The following FAM227B variants were observed in gnomAD, a reference collection of about 807,000 sequenced individuals.
FAM227B encodes the protein family with sequence similarity 227 member B.
FAM227B carries 88 observed loss-of-function variants against 73.8 expected under a neutral mutation model. That is an observed-to-expected ratio of 1.19 (90% CI 1.00 to 1.42). The LOEUF is 1.42. Ranked by LOEUF, FAM227B falls within the 40% of genes most tolerant of loss-of-function variation. FAM227B has a pLI of 0.00. For synonymous variants in FAM227B, 210 were observed against 190.5 expected, an observed-to-expected ratio of 1.10 and a Z score of -0.84; for missense variants, 632 against 590.9, an observed-to-expected ratio of 1.07 and a Z score of -0.72.
At chr15:49,580,290 A>T (rs1216001429) in intron 5 of FAM227B, among the ~76,000 whole-genome samples, 1 of 152,208 alleles carries the variant, frequency 6.6e-6, no homozygotes. Context: ...GAAATACAGA[A>T]GAGCCACTTG....
chr15:49,574,084 A>G (rs571293135), intron 8 of FAM227B, among the ~76,000 whole-genome samples: 1 of 152,140 alleles, frequency 6.6e-6, no homozygotes, highest in Admixed American at 6.6e-5. Context: ...TTAAAAAAAA[A>G]CTGACTTTGT....
chr15:49,599,241 G>C (rs530070534), intron 3 of FAM227B, among the ~76,000 whole-genome samples: 59 of 151,926 alleles, frequency 3.9e-4, no homozygotes, highest in African/African-American at 1.4e-3. Context: ...AATTTCTCAT[G>C]GTAGCCTACT....
intron 11 of FAM227B, among the ~76,000 whole-genome samples, chr15:49,394,926 G>A (rs2047468964): frequency 1.3e-5 from 2 of 152,014 alleles, no homozygotes; most frequent in East Asian, 1.9e-4. Context: ...ACACACACAC[G>A]CATGCCAAAC....
intron 3 of FAM227B, among the ~76,000 whole-genome samples, chr15:49,599,371 TA>T (rs1453452397): frequency 6.6e-6 from 1 of 152,042 alleles, no homozygotes; most frequent in Non-Finnish European, 1.5e-5. Flanking sequence ...ACAGTTTTGT[TA>T]ATCTTTTCAG....
At chr15:49,560,360 CA>C (rs896197952) in intron 9 of FAM227B, among the ~76,000 whole-genome samples, 11 of 151,836 alleles carry the variant, frequency 7.2e-5, no homozygotes, top group East Asian at 3.9e-4. Flanking sequence ...AACAAAGTAT[CA>C]AAAAAATGGT....
intron 13 of FAM227B, among the ~76,000 whole-genome samples, chr15:49,335,945 T>C (rs1246662772): frequency 3.9e-5 from 6 of 152,186 alleles, no homozygotes; most frequent in Non-Finnish European, 7.3e-5. Flanking sequence ...CTCAAACTCC[T>C]GGGCTCAAAG....
At chr15:49,508,966 A>G (rs1275214398) in intron 10 of FAM227B, among the ~76,000 whole-genome samples, 3 of 152,226 alleles carry the variant, frequency 2.0e-5, no homozygotes, top group Non-Finnish European at 2.9e-5. Context: ...AGGGGGCCAC[A>G]TGGGCAAGCC....
At chr15:49,420,207 A>G (rs1177152154) in intron 11 of FAM227B, among the ~76,000 whole-genome samples, 1 of 152,194 alleles carries the variant, frequency 6.6e-6, no homozygotes, top group Non-Finnish European at 1.5e-5. Flanking sequence ...GTAGTATAAA[A>G]TGACATATTT....
chr15:49,583,583 G>T (rs887061738), intron 5 of FAM227B, among the ~76,000 whole-genome samples: 6 of 151,832 alleles, frequency 4.0e-5, no homozygotes, highest in African/African-American at 1.2e-4. Flanking sequence ...AGCAGCCCTT[G>T]GGGCTCCTCT....
chr15:49,563,513 C>A (rs1317439547), intron 9 of FAM227B, among the ~76,000 whole-genome samples: 6 of 151,952 alleles, frequency 3.9e-5, no homozygotes, highest in Admixed American at 2.0e-4. Flanking sequence ...TACAGAAACA[C>A]AAAAGAGCCC....
At chr15:49,382,658 A>C (rs1008318256) in intron 11 of FAM227B, among the ~76,000 whole-genome samples, 1 of 152,244 alleles carries the variant, frequency 6.6e-6, no homozygotes, top group East Asian at 1.9e-4. Context: ...TGTTTTTAAC[A>C]GCTAACTTAA....
At chr15:49,344,135 A>G (rs1246026626) in intron 13 of FAM227B, 1 of 152,228 alleles carries the variant, frequency 6.6e-6, no homozygotes, top group Non-Finnish European at 1.5e-5. Flanking sequence ...CATATTGATG[A>G]ATGTTTCAGC....
intron 9 of FAM227B, among the ~76,000 whole-genome samples, chr15:49,542,735 T>G (rs2071258816): frequency 6.7e-6 from 1 of 149,502 alleles, no homozygotes; most frequent in South Asian, 2.1e-4. Flanking sequence ...TAATTAAAAC[T>G]AGTTATACAT....
chr15:49,558,579 T>C (rs943057906), intron 9 of FAM227B, among the ~76,000 whole-genome samples: 8 of 152,134 alleles, frequency 5.3e-5, no homozygotes, highest in African/African-American at 1.7e-4. Context: ...ATATTCCTTT[T>C]GGTTCCCCCC....
chr15:49,469,789 T>C (rs1051611557), intron 11 of FAM227B, among the ~76,000 whole-genome samples: 1 of 152,124 alleles, frequency 6.6e-6, no homozygotes, highest in Non-Finnish European at 1.5e-5. Context: ...ATAGCAGTAA[T>C]GAGATTGAGA....
chr15:49,557,294 C>T (rs977617973), intron 9 of FAM227B, among the ~76,000 whole-genome samples: 1 of 151,668 alleles, frequency 6.6e-6, no homozygotes, highest in Non-Finnish European at 1.5e-5. Context: ...CTTCTTTGTA[C>T]CTTTAATTGA....
In FAM227B at chr15:49,420,243, T is replaced by G. The variant is rs536491257; in HGVS notation, c.1013-48844A>C. On this transcript the variant is annotated intron_variant, in intron 11 of 15. Coordinates refer to ENST00000299338, the MANE Select transcript of FAM227B (RefSeq NM_152647.3). ...TGTCTTTATTCATTACAGCATTTCT[T>G]TGGTAATAGAAAAGTACTGAAGAAA... Among the ~76,000 whole-genome samples the G allele has an allele frequency of 2.6e-5, 4 of 152,264 alleles. No individual in the cohort carries two copies. The East Asian group carries it at 7.7e-4, about 29-fold the overall frequency.
At chr15:49,618,671 TGGTGTTG>T (rs1448054962) in intron 1 of FAM227B, among the ~76,000 whole-genome samples, 1 of 152,026 alleles carries the variant, frequency 6.6e-6, no homozygotes, top group Non-Finnish European at 1.5e-5. Flanking sequence ...CACTTGGAGG[TGGTGTTG>T]TTACAAAAGA....
chr15:49,585,762 C>A (rs981635751), intron 5 of FAM227B, among the ~76,000 whole-genome samples: 1 of 152,074 alleles, frequency 6.6e-6, no homozygotes, highest in Non-Finnish European at 1.5e-5. Flanking sequence ...TTAATGTGTG[C>A]AACACACCAA....
Sources: allele counts gnomAD v4.1 joint callset (sites outside exome capture counted in the v4.1 genomes callset), GRCh38; gene constraint gnomAD v4.1.1; transcripts MANE v1.5; gene names NCBI Gene and HGNC (gene_info 2026-07-23, HGNC 2026-07-21).